Variants in CCDC141 observed in about 807,000 individuals in gnomAD.
The protein encoded by CCDC141 is coiled-coil domain containing 141.
In CCDC141, 168 loss-of-function variants were observed where a neutral mutation model predicts 181.0. The ratio of observed to expected loss-of-function variants is 0.93; its 90% CI spans 0.82 to 1.05. The LOEUF (loss-of-function observed/expected upper bound fraction) is 1.05. Ranked by LOEUF, CCDC141 falls within the 50% of genes least tolerant of loss-of-function variation. CCDC141 has a pLI of 0.00. For synonymous variants in CCDC141, 666 were observed against 642.3 expected, an observed-to-expected ratio of 1.04 and a Z score of -0.56; for missense variants, 1,902 against 1,788.5, an observed-to-expected ratio of 1.06 and a Z score of -1.14.
chr2:178,941,823 G>T (rs1036132154), intron 6 of CCDC141, among the ~76,000 whole-genome samples: 1 of 151,354 alleles, frequency 6.6e-6, no homozygotes, highest in Non-Finnish European at 1.5e-5. Context: ...TGCCAGGTAT[G>T]GGGGTGTGCA....
intron 5 of CCDC141, among the ~76,000 whole-genome samples, chr2:178,948,343 AG>A (rs1248543897): frequency 6.6e-6 from 1 of 152,226 alleles, no homozygotes; most frequent in African/African-American, 2.4e-5. Context: ...TGTGGCTACT[AG>A]AAAATTTAAA....
At chr2:178,821,934 G>A in the CCDC141 span, among the ~76,000 whole-genome samples, 1 of 152,066 alleles carries the variant, frequency 6.6e-6, no homozygotes, top group African/African-American at 2.4e-5. Flanking sequence ...TATAAATCAT[G>A]CTGCTATAAA....
At chr2:178,855,782 G>T (rs1685359489) in intron 18 of CCDC141, among the ~76,000 whole-genome samples, 1 of 152,162 alleles carries the variant, frequency 6.6e-6, no homozygotes, top group South Asian at 2.1e-4. Context: ...CTAGTAATAT[G>T]ATCTTTTTTA....
At position 178,949,726 on chromosome 2, in the gene CCDC141, G is replaced by A. The variant is rs527834848; in HGVS notation, c.781-5075C>T. Among the ~76,000 whole-genome samples the A allele has an allele frequency of 3.9e-5, 6 of 152,314 alleles. No homozygotes were observed. In the South Asian group the frequency reaches 1.0e-3, roughly 26 times the overall value. On this transcript the variant is annotated intron_variant, in intron 5 of 23. Transcript: ENST00000443758. ...GTCAGGCCTGTCAGGAGGAGTCTCTGAGAGCAAGAAGCCAGCTGTGGGCAG... is the reference window on the plus strand; with the variant it reads ...GTCAGGCCTGTCAGGAGGAGTCTCTAAGAGCAAGAAGCCAGCTGTGGGCAG...
chr2:178,955,090 T>A (rs1252463112), intron 5 of CCDC141, among the ~76,000 whole-genome samples: 1 of 151,912 alleles, frequency 6.6e-6, no homozygotes, highest in Non-Finnish European at 1.5e-5. Flanking sequence ...TTCAAGACCA[T>A]CCTGGGCAAC....
At chr2:178,844,004 A>C (rs1306849504) in intron 22 of CCDC141, among the ~76,000 whole-genome samples, 1 of 152,222 alleles carries the variant, frequency 6.6e-6, no homozygotes. Context: ...TATTAGAATA[A>C]AAGTTATTTT....
At chr2:178,997,754 T>C (rs1177291780) in intron 2 of CCDC141, among the ~76,000 whole-genome samples, 1 of 152,160 alleles carries the variant, frequency 6.6e-6, no homozygotes, top group African/African-American at 2.4e-5. Flanking sequence ...CGAAGTCTTC[T>C]CTCTCTCACT....
intron 2 of CCDC141, among the ~76,000 whole-genome samples, chr2:179,008,178 T>C (rs981356353): frequency 6.6e-6 from 1 of 152,204 alleles, no homozygotes. Context: ...TAAATTGGTA[T>C]TTTAGAGTAT....
At chr2:179,040,082 G>C (rs1356111974) in intron 2 of CCDC141, among the ~76,000 whole-genome samples, 4 of 152,142 alleles carry the variant, frequency 2.6e-5, no homozygotes, top group Non-Finnish European at 5.9e-5. Context: ...TGAACCTTAA[G>C]AGGTTATGGC....
At chr2:178,985,980 A>T (rs1299653967) in intron 2 of CCDC141, among the ~76,000 whole-genome samples, 1 of 152,238 alleles carries the variant, frequency 6.6e-6, no homozygotes, top group African/African-American at 2.4e-5. Flanking sequence ...GGCCAGCATC[A>T]TTCGGATACC....
In CCDC141 at chr2:178,834,168, C is replaced by G; in HGVS notation, c.*5G>C. 1 of 1,533,580 alleles carries G rather than the reference C, an allele frequency of 6.5e-7. No homozygotes were observed. The highest frequency in any genetic ancestry group is 8.7e-7 in the Non-Finnish European group (1 of 1,144,618). 95.0% of individuals were successfully genotyped at this position (1,533,580 alleles called of 1,614,324 possible). A position where few individuals can be genotyped will look rare whatever the true frequency, so the allele number is the denominator to read the frequency against. On this transcript the variant is annotated 3_prime_UTR_variant, in exon 24 of 24. Coordinates refer to ENST00000443758, the MANE Select transcript of CCDC141 (RefSeq NM_173648.4). ...GAATGATGTCCATTGGTGCCAACAC[C>G]ACAGTTATTGTGTGAGGAGCCAGTA...
chr2:178,931,726 C>T (rs1039042617), intron 6 of CCDC141, among the ~76,000 whole-genome samples: 2 of 147,734 alleles, frequency 1.4e-5, no homozygotes, highest in Non-Finnish European at 3.1e-5. Flanking sequence ...TGAAAATATT[C>T]TGAACTAGGT....
chr2:178,927,511 G>C (rs58427844), intron 6 of CCDC141, among the ~76,000 whole-genome samples: 1 of 152,014 alleles, frequency 6.6e-6, no homozygotes, highest in Non-Finnish European at 1.5e-5. Context: ...GAGACAGCTC[G>C]AGCCAGAGCA....
chr2:179,013,247 T>C (rs2042321779), intron 2 of CCDC141, among the ~76,000 whole-genome samples: 1 of 152,160 alleles, frequency 6.6e-6, no homozygotes, highest in African/African-American at 2.4e-5. Flanking sequence ...CTCCTAGAAC[T>C]GATAAAAGAA....
intron 2 of CCDC141, among the ~76,000 whole-genome samples, chr2:179,007,641 T>G: frequency 6.6e-6 from 1 of 152,246 alleles, no homozygotes; most frequent in South Asian, 2.1e-4. Flanking sequence ...AACAAATAAT[T>G]TTTTTAAAAA....
chr2:178,953,903 G>T (rs1053245966), intron 5 of CCDC141, among the ~76,000 whole-genome samples: 1 of 152,118 alleles, frequency 6.6e-6, no homozygotes, highest in Non-Finnish European at 1.5e-5. Flanking sequence ...GTGCCCAGAG[G>T]CTATGCTCAT....
intron 6 of CCDC141, among the ~76,000 whole-genome samples, chr2:178,933,506 T>C (rs1363102552): frequency 6.6e-6 from 1 of 152,144 alleles, no homozygotes; most frequent in Non-Finnish European, 1.5e-5. Flanking sequence ...GAGTCACACC[T>C]TGAATAACAA....
chr2:178,863,223 C>T (rs1482866163), intron 17 of CCDC141, among the ~76,000 whole-genome samples: 1 of 152,138 alleles, frequency 6.6e-6, no homozygotes, highest in Non-Finnish European at 1.5e-5. Flanking sequence ...AAGTCATATG[C>T]TCCTCAGTTT....
intron 17 of CCDC141, among the ~76,000 whole-genome samples, chr2:178,858,722 A>G (rs1685816409): frequency 6.6e-6 from 1 of 152,004 alleles, no homozygotes; most frequent in South Asian, 2.1e-4. Context: ...AAACTTATAT[A>G]TTCTTCTACT....
Sources: gnomAD v4.1 joint callset for allele counts (sites outside exome capture counted in the v4.1 genomes callset) on GRCh38, gnomAD v4.1.1 for gene constraint, MANE v1.5 for transcripts, NCBI Gene and HGNC (gene_info 2026-07-23, HGNC 2026-07-21) for gene names.